NRXN1: variants seen among roughly 807,000 people sequenced by gnomAD.
The protein encoded by NRXN1 is neurexin 1.
Under a neutral mutation model 150.9 loss-of-function variants are expected in NRXN1, and 39 were observed. The observed-to-expected ratio is 0.26, with a 90% CI of 0.20 to 0.34. The LOEUF is 0.34. NRXN1 is among the 10% of genes least tolerant of loss of function. NRXN1 has a pLI of 1.00. For synonymous variants in NRXN1, 924 were observed against 757.0 expected (o/e 1.22, Z -3.62); for missense variants, 1,815 against 1,949.9 (o/e 0.93, Z 1.30).
chr2:49,983,712 G>A (rs138962390), intron 21 of NRXN1, among the ~76,000 whole-genome samples: 1 of 152,018 alleles, frequency 6.6e-6, no homozygotes, highest in Admixed American at 6.6e-5. Flanking sequence ...AACCACCTGT[G>A]GAGAACACAG....
In NRXN1 at chr2:50,021,605, T is replaced by C. The variant is rs960110966; in HGVS notation, c.4128+31666A>G. Among the ~76,000 whole-genome samples, 7 of 152,212 alleles carry C rather than the reference T, an allele frequency of 4.6e-5. No individual in the cohort carries two copies. In the East Asian group the frequency reaches 1.2e-3, roughly 25 times the overall value. ...CTCAAATATTAACCCTTATTAGCCA[T>C]ACTTACAAGAGACAAGGATGTTAGT... On this transcript the variant is annotated intron_variant, in intron 21 of 22. Transcript: ENST00000401669.
chr2:50,493,003 C>T (rs1005401149), intron 15 of NRXN1, among the ~76,000 whole-genome samples: 4 of 152,140 alleles, frequency 2.6e-5, no homozygotes, highest in Non-Finnish European at 5.9e-5. Flanking sequence ...ATATGAACTT[C>T]GCAAACACCA....
At chr2:50,413,015 T>A (rs2083298774) in intron 17 of NRXN1, among the ~76,000 whole-genome samples, 1 of 152,150 alleles carries the variant, frequency 6.6e-6, no homozygotes. Context: ...TCCAGGACAT[T>A]TTTTTGGGCA....
At chr2:50,783,467 A>G (rs1255733951) in intron 5 of NRXN1, among the ~76,000 whole-genome samples, 2 of 152,104 alleles carry the variant, frequency 1.3e-5, no homozygotes, top group African/African-American at 4.8e-5. Context: ...GGCTATGTCC[A>G]TGTCCTCAGA....
Position 50,984,134 on chromosome 2 carries a change from A to ATTT in NRXN1, c.772+43365_772+43367dup, listed in dbSNP as rs70958636. Reference sequence around the variant, plus strand: ...AGGTGCTCACTGCCACGCCAGGCTAATTTTTTTTTTTTTTTTTTTTTTTTT... The same window carrying ATTT: ...AGGTGCTCACTGCCACGCCAGGCTAATTTTTTTTTTTTTTTTTTTTTTTTTTTT... On this transcript the variant is annotated intron_variant, in intron 2 of 22. Transcript: ENST00000401669. Among the ~76,000 whole-genome samples the ATTT allele has an allele frequency of 7.6e-3, 553 of 72,802 alleles. 42 individuals carry two copies. The highest frequency in any genetic ancestry group is 0.017 in the African/African-American group (271 of 15,886). The allele number at this position is 72,802 out of a possible 152,430, so 47.8% of individuals were successfully genotyped here.
chr2:50,482,902 T>G (rs1236322526), intron 15 of NRXN1, among the ~76,000 whole-genome samples: 1 of 151,602 alleles, frequency 6.6e-6, no homozygotes, highest in Non-Finnish European at 1.5e-5. Flanking sequence ...AATACAAAAA[T>G]TAGCTGTGCG....
Position 50,913,981 on chromosome 2 carries a change from T to C in NRXN1, c.832+7888A>G, listed in dbSNP as rs553992207. ...ATCTCCTTGGTGATTACAGTAATAA[T>C]GACTACGATTGAATGAAACCCTTTA... is the stretch of plus-strand genomic sequence containing the variant. On this transcript the variant is annotated intron_variant, in intron 5 of 22. Coordinates refer to ENST00000401669, the MANE Select transcript of NRXN1 (RefSeq NM_001330078.2). Among the ~76,000 whole-genome samples, 29 of 151,902 alleles carry C rather than the reference T, an allele frequency of 1.9e-4. 1 individual carries two copies. The highest frequency in any genetic ancestry group is 1.8e-3 in the Admixed American group (28 of 15,202).
intron 17 of NRXN1, among the ~76,000 whole-genome samples, chr2:50,358,675 C>A (rs1284809556): frequency 6.6e-6 from 1 of 152,226 alleles, no homozygotes; most frequent in Non-Finnish European, 1.5e-5. Flanking sequence ...TTACCCACTC[C>A]TGCCTGCTGG....
chr2:50,542,110 C>T (rs971899359), intron 9 of NRXN1, among the ~76,000 whole-genome samples: 4 of 152,150 alleles, frequency 2.6e-5, no homozygotes, highest in Admixed American at 6.5e-5. Flanking sequence ...GGAGAAACCC[C>T]ATCTCTACTA....
At chr2:50,903,734 G>C (rs993255993) in intron 5 of NRXN1, among the ~76,000 whole-genome samples, 1 of 152,120 alleles carries the variant, frequency 6.6e-6, no homozygotes, top group African/African-American at 2.4e-5. Context: ...GAGCTGTGTT[G>C]GCAAAAGCCA....
intron 21 of NRXN1, among the ~76,000 whole-genome samples, chr2:49,958,931 T>C (rs933441690): frequency 6.6e-5 from 10 of 152,224 alleles, no homozygotes; most frequent in South Asian, 2.1e-4. Flanking sequence ...GGCTATAAGG[T>C]AAAGGATATC....
chr2:50,239,113 T>A (rs527761087), intron 17 of NRXN1, among the ~76,000 whole-genome samples: 1 of 152,008 alleles, frequency 6.6e-6, no homozygotes, highest in East Asian at 1.9e-4. Context: ...ATAATCTTTA[T>A]AGGCAAACAC....
chr2:50,908,794 C>T (rs1159208315), intron 5 of NRXN1, among the ~76,000 whole-genome samples: 1 of 151,754 alleles, frequency 6.6e-6, no homozygotes, highest in Non-Finnish European at 1.5e-5. Context: ...GTATGGAGCC[C>T]CCTTCATGGG....
intron 17 of NRXN1, among the ~76,000 whole-genome samples, chr2:50,394,637 T>A (rs1004875974): frequency 2.0e-5 from 3 of 151,994 alleles, no homozygotes; most frequent in Non-Finnish European, 4.4e-5. Flanking sequence ...CTAATACGGT[T>A]TTTTTTCCTC....
intron 16 of NRXN1, among the ~76,000 whole-genome samples, chr2:50,465,861 A>C (rs532853744): frequency 6.6e-6 from 1 of 152,028 alleles, no homozygotes; most frequent in Non-Finnish European, 1.5e-5. Flanking sequence ...AACTTCAATA[A>C]TTCTTTATCA....
chr2:50,855,563 GTTGAGAAATGACTAACCCAGTAA>G (rs1398712813), intron 5 of NRXN1, among the ~76,000 whole-genome samples: 2 of 152,030 alleles, frequency 1.3e-5, no homozygotes, highest in African/African-American at 4.8e-5. Flanking sequence ...TGTGCCAGAG[GTTGAGAAATGACTAACCCAGTAA>G]TTATTTAAAA....
chr2:50,467,262 A>G (rs1294724238), intron 16 of NRXN1, among the ~76,000 whole-genome samples: 1 of 151,722 alleles, frequency 6.6e-6, no homozygotes, highest in African/African-American at 2.4e-5. Flanking sequence ...CTGTTACAGT[A>G]AAACCTCACT....
At chr2:50,103,877 A>ACAAT (rs1260190429) in intron 18 of NRXN1, among the ~76,000 whole-genome samples, 1 of 150,992 alleles carries the variant, frequency 6.6e-6, no homozygotes, top group Non-Finnish European at 1.5e-5. Flanking sequence ...AAACAAACAA[A>ACAAT]CAAACAAACA....
At chr2:50,650,450 C>T (rs991613582) in intron 5 of NRXN1, among the ~76,000 whole-genome samples, 5 of 151,966 alleles carry the variant, frequency 3.3e-5, no homozygotes, top group African/African-American at 7.2e-5. Flanking sequence ...GTTTAAACAT[C>T]GAATAAAAAT....
Sources: gnomAD v4.1 joint callset for allele counts (sites outside exome capture counted in the v4.1 genomes callset) on GRCh38, gnomAD v4.1.1 for gene constraint, MANE v1.5 for transcripts, NCBI Gene and HGNC (gene_info 2026-07-23, HGNC 2026-07-21) for gene names.